ATP11B: variants seen among roughly 807,000 people sequenced by gnomAD.
ATP11B encodes the protein phospholipid-transporting ATPase IF.
In ATP11B, 81 loss-of-function variants were observed where a neutral mutation model predicts 157.8. The ratio of observed to expected loss-of-function variants is 0.51; its 90% confidence interval spans 0.43 to 0.62. The LOEUF (loss-of-function observed/expected upper bound fraction) is 0.62, where lower values mean the gene tolerates loss of function less well. Among genes scored for constraint, ATP11B ranks in the 20% least tolerant of loss-of-function variants. The pLI, the probability that ATP11B is intolerant of heterozygous loss-of-function variation, is 0.00. For synonymous variants in ATP11B, 451 were observed against 469.4 expected (o/e 0.96, Z 0.51); for missense variants, 1,165 against 1,402.2 (o/e 0.83, Z 2.70).
At chr3:182,832,984 G>C (rs930663069) in intron 4 of ATP11B, among the ~76,000 whole-genome samples, 1 of 151,514 alleles carries the variant, frequency 6.6e-6, no homozygotes, top group African/African-American at 2.4e-5. Flanking sequence ...TTCAAGTAAG[G>C]GTCATATTTC....
chr3:182,893,206 T>G (rs1417137540), intron 25 of ATP11B, among the ~76,000 whole-genome samples: 2 of 152,182 alleles, frequency 1.3e-5, no homozygotes, highest in Non-Finnish European at 2.9e-5. Context: ...GCTTAAGACT[T>G]TATTTTCTTG....
Position 182,885,959 on chromosome 3 carries a change from C to T in ATP11B, c.2664C>T (p.Cys888=), listed in dbSNP as rs962281950. ...LVQYFFYKNV[C]FITPQFLYQF... ...TTAATCTTGTTTTTCAGAATGTGTG[C>T]TTTATCACACCCCAGTTTTTATATC... Residue 888 remains cysteine, a synonymous_variant, in exon 23 of 30, where the codon TGC becomes TGT. Transcript: ENST00000323116. The T allele has an allele frequency of 4.7e-6, 7 of 1,497,678 alleles. No homozygotes were observed. The highest frequency in any genetic ancestry group is 6.2e-6 in the Non-Finnish European group (7 of 1,130,900). The allele number at this position is 1,497,678 out of a possible 1,614,324, so 92.8% of individuals were successfully genotyped here. A position where few individuals can be genotyped will look rare whatever the true frequency, so the allele number is the denominator to read the frequency against.
intron 4 of ATP11B, among the ~76,000 whole-genome samples, chr3:182,831,576 A>T (rs1045251570): frequency 6.7e-6 from 1 of 149,060 alleles, no homozygotes; most frequent in African/African-American, 2.5e-5. Context: ...ATTTCCTACC[A>T]TTTTTTTTTT....
Position 182,854,341 on chromosome 3 carries a change from A to C in ATP11B, c.852-3537A>C, listed in dbSNP as rs576785970. 1.4e-4 allele frequency among the ~76,000 whole-genome samples: 22 copies of C among 152,148 alleles called. No individual in the cohort carries two copies. The East Asian group carries it at 4.3e-3, about 29-fold the overall frequency. ...AAAAATTAGCCGGGCATGGTGGTGCATGCTTGTAATCCCAGCTACTTGGGA... is the reference window on the plus strand; with the variant it reads ...AAAAATTAGCCGGGCATGGTGGTGCCTGCTTGTAATCCCAGCTACTTGGGA... On this transcript the variant is annotated intron_variant, in intron 10 of 29. Coordinates refer to ENST00000323116, the MANE Select transcript of ATP11B (RefSeq NM_014616.3).
chr3:182,904,544 A>G (rs1724194406), intron 28 of ATP11B, among the ~76,000 whole-genome samples: 1 of 152,226 alleles, frequency 6.6e-6, no homozygotes, highest in African/African-American at 2.4e-5. Context: ...AACTGTATGG[A>G]TATCAGATAT....
At position 182,807,728 on chromosome 3, in the gene ATP11B, G is replaced by A. The variant is rs80339735; in HGVS notation, c.28-12532G>A. Among the ~76,000 whole-genome samples the A allele has an allele frequency of 1.8e-4, 27 of 152,240 alleles. No individual in the cohort carries two copies. In the East Asian group the frequency reaches 5.2e-3, roughly 29 times the overall value. On this transcript the variant is annotated intron_variant, in intron 1 of 29. Coordinates refer to ENST00000323116, the MANE Select transcript of ATP11B (RefSeq NM_014616.3). ...TTTATAATATTCTGTAGGAAAATAA[G>A]TGAGTCATCTATGATTTAATGCTAT...
In ATP11B at chr3:182,867,425, A is replaced by T. The variant is rs769122640; in HGVS notation, c.1669A>T (p.Thr557Ser). The change falls in exon 15 of 30, where the codon ACT becomes TCT. Residue 557 changes from threonine (T) to serine (S), a missense_variant. Transcript: ENST00000323116. Reference sequence around the variant, plus strand: ...TTCTGAAGAAACTATGGAGGTTAAAACTCTTGGAAAACTGGAACGGTAATT... The same window carrying T: ...TTCTGAAGAAACTATGGAGGTTAAATCTCTTGGAAAACTGGAACGGTAATT... The part of the protein sequence containing the change: ...GNSEETMEVK[T>S]LGKLERYKLL... 5.6e-6 allele frequency: 9 copies of T among 1,608,678 alleles called. No individual in the cohort carries two copies. Among genetic ancestry groups the T allele is most frequent in the African/African-American group, 1.3e-5 (1 of 74,634 alleles).
intron 29 of ATP11B, chr3:182,916,141 A>G: frequency 1.0e-6 from 1 of 985,406 alleles, no homozygotes; most frequent in Non-Finnish European, 1.2e-6. Context: ...TTAAACTTGC[A>G]AAGTCATTTT....
rs1722899984 is a variant in ATP11B, at chr3:182,887,808, G to A, written c.2843+95G>A. The A allele has an allele frequency of 6.1e-6, 8 of 1,312,106 alleles. No homozygotes were observed. In the East Asian group the frequency reaches 1.5e-4, roughly 24 times the overall value. 81.3% of individuals were successfully genotyped at this position (1,312,106 alleles called of 1,614,324 possible). A position where few individuals can be genotyped will look rare whatever the true frequency, so the allele number is the denominator to read the frequency against. ...TCTTGGTGATTAATGCTTTACTAAG[G>A]AAAGTTCTTTAGTTGTCGTATGATT... is the stretch of plus-strand genomic sequence containing the variant. On this transcript the variant is annotated intron_variant, in intron 24 of 29. Transcript: ENST00000323116.
intron 14 of ATP11B, among the ~76,000 whole-genome samples, 174 bp from the exon 15 acceptor site, chr3:182,867,202 G>A (rs1577048577): frequency 1.3e-5 from 2 of 148,238 alleles, no homozygotes; most frequent in South Asian, 4.1e-4. Context: ...GTGCTGGGAT[G>A]ACAGGCATGA....
rs1398878926 is a variant in ATP11B at position 182,894,386 on chromosome 3, A to G, written c.2983-2314A>G. Among the ~76,000 whole-genome samples, 4 of 152,226 alleles carry G rather than the reference A, an allele frequency of 2.6e-5. No individual in the cohort carries two copies. The East Asian group carries it at 5.8e-4, about 22-fold the overall frequency. On this transcript the variant is annotated intron_variant, in intron 25 of 29. Coordinates refer to ENST00000323116, the MANE Select transcript of ATP11B (RefSeq NM_014616.3). ...TTTTTAGTAGAGACAGGGTTTCTCTATGTTGGTAAGGCTGGTCACGAACTC... is the reference window on the plus strand; with the variant it reads ...TTTTTAGTAGAGACAGGGTTTCTCTGTGTTGGTAAGGCTGGTCACGAACTC...
In ATP11B at chr3:182,868,434, T is replaced by G. The variant is rs139570199; in HGVS notation, c.1689-644T>G. Among the ~76,000 whole-genome samples the G allele has an allele frequency of 1.2e-4, 18 of 151,406 alleles. No homozygotes were observed. The East Asian group carries it at 3.5e-3, about 29-fold the overall frequency. On this transcript the variant is annotated intron_variant, in intron 15 of 29. Coordinates refer to ENST00000323116, the MANE Select transcript of ATP11B (RefSeq NM_014616.3). Reference sequence around the variant, plus strand: ...ATAAACCATTATTCAACTCACTGTTTTTCTTGGAGATGTGTAAAGATTTCA... The same window carrying G: ...ATAAACCATTATTCAACTCACTGTTGTTCTTGGAGATGTGTAAAGATTTCA...
At chr3:182,794,127 C>T (rs1047945315) in intron 1 of ATP11B, among the ~76,000 whole-genome samples, 1 of 152,184 alleles carries the variant, frequency 6.6e-6, no homozygotes, top group Non-Finnish European at 1.5e-5. Flanking sequence ...CCAGAGGAAA[C>T]AGGGCGAGGG....
chr3:182,912,361 A>G (rs1189651488), intron 28 of ATP11B, among the ~76,000 whole-genome samples: 1 of 152,116 alleles, frequency 6.6e-6, no homozygotes, highest in Non-Finnish European at 1.5e-5. Flanking sequence ...ATGACCATGT[A>G]TCCTGACTTC....
chr3:182,812,189 A>T (rs1189391376), intron 1 of ATP11B, among the ~76,000 whole-genome samples: 1 of 152,156 alleles, frequency 6.6e-6, no homozygotes, highest in Non-Finnish European at 1.5e-5. Flanking sequence ...ATATTGTGAA[A>T]AAGATATGTT....
chr3:182,908,191 A>ATTTTTT (rs1724508207), intron 28 of ATP11B, among the ~76,000 whole-genome samples: 1 of 95,914 alleles, frequency 1.0e-5, no homozygotes, highest in Non-Finnish European at 2.1e-5. Flanking sequence ...TCATATTATT[A>ATTTTTT]TTTTCTTTTT....
At chr3:182,854,966 G>C (rs1436726919) in intron 10 of ATP11B, among the ~76,000 whole-genome samples, 1 of 152,166 alleles carries the variant, frequency 6.6e-6, no homozygotes, top group Non-Finnish European at 1.5e-5. Context: ...TGGGTTGAAA[G>C]ATTCGTACGG....
intron 19 of ATP11B, among the ~76,000 whole-genome samples, chr3:182,875,250 C>G (rs576696418): frequency 1.3e-5 from 2 of 152,242 alleles, no homozygotes; most frequent in South Asian, 4.1e-4. Flanking sequence ...TCTTGTGATA[C>G]TAATCCAGAA....
intron 25 of ATP11B, among the ~76,000 whole-genome samples, chr3:182,890,928 A>G (rs1011891482): frequency 6.6e-6 from 1 of 152,198 alleles, no homozygotes; most frequent in African/African-American, 2.4e-5. Flanking sequence ...TAGGAGATAT[A>G]CCTAATGTAA....
Sources: gnomAD v4.1 joint callset for allele counts (sites outside exome capture counted in the v4.1 genomes callset) on GRCh38, gnomAD v4.1.1 for gene constraint, MANE v1.5 for transcripts, NCBI Gene and HGNC (gene_info 2026-07-23, HGNC 2026-07-21) for gene names.